Variants in TNFAIP8 observed in about 807,000 individuals in gnomAD.
TNFAIP8 encodes TNF alpha induced protein 8, also known as tumor necrosis factor alpha-induced protein 8.
In TNFAIP8, 7 loss-of-function variants were observed where a neutral mutation model predicts 13.3. That is an observed-to-expected ratio of 0.52 (90% CI 0.30 to 0.99). TNFAIP8 has a LOEUF of 0.99. Among genes scored for constraint, TNFAIP8 ranks in the 50% least tolerant of loss-of-function variants. TNFAIP8 has a pLI of 0.07. For synonymous variants in TNFAIP8, 94 were observed against 87.6 expected, an observed-to-expected ratio of 1.07 and a Z score of -0.41; for missense variants, 258 against 236.9, an observed-to-expected ratio of 1.09 and a Z score of -0.58.
rs188989822 is a variant in TNFAIP8 at position 119,340,872 on chromosome 5, C to T, written c.2-51944C>T. On this transcript the variant is annotated intron_variant, in intron 1 of 1. Coordinates refer to the TNFAIP8 transcript ENST00000274456. ...TAGTGCATTTATGGCCTTAGTTCAC[C>T]GAATAGAGGGGTCGTTTCCTTTGCC... Among the ~76,000 whole-genome samples the T allele has an allele frequency of 2.7e-3, 405 of 152,190 alleles. 2 individuals carry two copies. Among genetic ancestry groups the T allele is most frequent in the African/African-American group, 9.1e-3 (376 of 41,508 alleles).
At chr5:119,356,220 G>A in intron 1 of TNFAIP8, 99 bp downstream of exon 1, 3 of 1,142,338 alleles carry the variant, frequency 2.6e-6, no homozygotes, top group Non-Finnish European at 3.7e-6. Context: ...GTGAGCGGTG[G>A]GCACTTTGTC....
intron 1 of TNFAIP8, among the ~76,000 whole-genome samples, chr5:119,313,719 C>G (rs967259697): frequency 6.6e-6 from 1 of 152,132 alleles, no homozygotes; most frequent in South Asian, 2.1e-4. Context: ...TGTGAAGCAG[C>G]CTTAAGATGG....
chr5:119,277,165 A>T (rs1748479592), intron 1 of TNFAIP8, among the ~76,000 whole-genome samples: 1 of 152,224 alleles, frequency 6.6e-6, no homozygotes, highest in African/African-American at 2.4e-5. Flanking sequence ...GTCTGTGGTC[A>T]CACTGCAACT....
chr5:119,307,570 C>T (rs1749604732), intron 1 of TNFAIP8, among the ~76,000 whole-genome samples: 1 of 152,150 alleles, frequency 6.6e-6, no homozygotes, highest in Non-Finnish European at 1.5e-5. Context: ...TCTATGTATC[C>T]ATTCATACCA....
At chr5:119,309,994 C>G (rs767751967) in intron 1 of TNFAIP8, among the ~76,000 whole-genome samples, 3 of 152,176 alleles carry the variant, frequency 2.0e-5, no homozygotes, top group Non-Finnish European at 4.4e-5. Context: ...CTGGGATGAC[C>G]TGAATAAAAC....
intron 1 of TNFAIP8, among the ~76,000 whole-genome samples, chr5:119,311,141 G>T (rs1390216400): frequency 2.6e-5 from 4 of 151,994 alleles, no homozygotes; most frequent in African/African-American, 7.3e-5. Flanking sequence ...TCCCACTTCA[G>T]CCCCCAGTGT....
At chr5:119,357,557 A>C (rs563367209) in intron 1 of TNFAIP8, among the ~76,000 whole-genome samples, 9 of 152,170 alleles carry the variant, frequency 5.9e-5, no homozygotes, top group African/African-American at 1.9e-4. Flanking sequence ...AGAAAGTGGA[A>C]AAACAGTATC....
intron 1 of TNFAIP8, among the ~76,000 whole-genome samples, chr5:119,378,209 GATGCCTGGGC>G (rs1752353498): frequency 6.6e-6 from 1 of 152,192 alleles, no homozygotes; most frequent in Non-Finnish European, 1.5e-5. Flanking sequence ...ATAAAACGGG[GATGCCTGGGC>G]ATGCGGAGAG....
intron 1 of TNFAIP8, among the ~76,000 whole-genome samples, chr5:119,322,876 A>G (rs1750107238): frequency 6.6e-6 from 1 of 152,210 alleles, no homozygotes; most frequent in Non-Finnish European, 1.5e-5. Context: ...CTGGGTGTCT[A>G]GCTAGAAAAT....
At chr5:119,358,927 T>C (rs1751535217) in intron 1 of TNFAIP8, among the ~76,000 whole-genome samples, 1 of 151,978 alleles carries the variant, frequency 6.6e-6, no homozygotes, top group Non-Finnish European at 1.5e-5. Flanking sequence ...GGTGAGTGAG[T>C]CTGGCTCGCT....
At chr5:119,353,971 T>C (rs1751283299), upstream of TNFAIP8, among the ~76,000 whole-genome samples, 1 of 152,198 alleles carries the variant, frequency 6.6e-6, no homozygotes, top group South Asian at 2.1e-4. Context: ...TTAAGATCTC[T>C]TGTGGACTAT....
In TNFAIP8 at chr5:119,291,430, G is replaced by A. The variant is rs75283002; in HGVS notation, c.1+22523G>A. Among the ~76,000 whole-genome samples the A allele has an allele frequency of 9.0e-3, 1,374 of 152,316 alleles. 11 individuals are homozygous for A. The highest frequency in any genetic ancestry group is 0.013 in the Non-Finnish European group (895 of 68,026). On this transcript the variant is annotated intron_variant, in intron 1 of 1. Transcript: ENST00000274456. ...GCAGTGGATTCGATTTACGTAAGTG[G>A]AAAAAAGTGTTCAGAATCAGTTCTG...
At chr5:119,340,834 T>C (rs10519585) in intron 1 of TNFAIP8, among the ~76,000 whole-genome samples, 54,174 of 151,992 alleles carry the variant, frequency 0.36, 10,494 homozygotes, top group African/African-American at 0.51. Context: ...TATTTTTAGT[T>C]GGATACCACA....
Position 119,397,470 on chromosome 5 carries a change from C to G in TNFAIP8, c.*4089C>G, listed in dbSNP as rs1425152430. 6.6e-6 allele frequency: 1 copy of G among 152,162 alleles called. No homozygotes were observed. The highest frequency in any genetic ancestry group is 2.4e-5 in the African/African-American group (1 of 41,446). 9.4% of individuals were successfully genotyped at this position (152,162 alleles called of 1,614,324 possible). ...TCTTGCATTTCCATACTTGCATTAT[C>G]TAAACTAGTTGAACTTTTCAGTGTT... On this transcript the variant is annotated 3_prime_UTR_variant, in exon 2 of 2. Coordinates refer to ENST00000504771, the MANE Select transcript of TNFAIP8 (RefSeq NM_014350.4).
chr5:119,274,960 G>T (rs1748394054), intron 1 of TNFAIP8, among the ~76,000 whole-genome samples: 1 of 150,850 alleles, frequency 6.6e-6, no homozygotes, highest in South Asian at 2.1e-4. Flanking sequence ...TTCCTGTCTT[G>T]TTCTAGAAAG....
chr5:119,391,485 T>G, intron 1 of TNFAIP8: 1 of 697,534 alleles, frequency 1.4e-6, no homozygotes, highest in Non-Finnish European at 2.6e-6. Flanking sequence ...ATGGGCCAGG[T>G]GCGGTGGCTC....
At chr5:119,290,239 C>T (rs1022123903) in intron 1 of TNFAIP8, among the ~76,000 whole-genome samples, 7 of 151,776 alleles carry the variant, frequency 4.6e-5, no homozygotes, top group African/African-American at 1.7e-4. Context: ...TGGTTACATA[C>T]ACTTTCTGTG....
chr5:119,371,371 C>CT (rs1358557657), intron 1 of TNFAIP8, among the ~76,000 whole-genome samples: 3 of 152,132 alleles, frequency 2.0e-5, no homozygotes, highest in African/African-American at 7.2e-5. Flanking sequence ...ACAGTAGCGT[C>CT]TGTTTCCTTC....
intron 1 of TNFAIP8, among the ~76,000 whole-genome samples, chr5:119,288,974 C>G (rs775863218): frequency 6.6e-6 from 1 of 152,228 alleles, no homozygotes; most frequent in South Asian, 2.1e-4. Context: ...AAGCCACATT[C>G]ACTCCTTTTT....
Sources: allele counts gnomAD v4.1 joint callset (sites outside exome capture counted in the v4.1 genomes callset), GRCh38; gene constraint gnomAD v4.1.1; transcripts MANE v1.5; gene names NCBI Gene and HGNC (gene_info 2026-07-23, HGNC 2026-07-21).